JADE2: variants seen among roughly 807,000 people sequenced by gnomAD.
The protein encoded by JADE2 is E3 ubiquitin-protein ligase Jade-2.
A neutral mutation model predicts 85.7 loss-of-function variants in JADE2; 13 were observed. The ratio of observed to expected loss-of-function variants is 0.15; its 90% CI spans 0.10 to 0.24. The LOEUF (loss-of-function observed/expected upper bound fraction) is 0.24, where lower values mean the gene tolerates loss of function less well. Ranked by LOEUF, JADE2 falls within the 10% of genes least tolerant of loss-of-function variation. The probability of loss-of-function intolerance (pLI) is 1.00; values close to 1 mark genes in which losing one functional copy is unlikely to be tolerated. For synonymous variants in JADE2, 440 were observed against 456.1 expected (o/e 0.96, Z 0.45); for missense variants, 846 against 1,115.9 (o/e 0.76, Z 3.45).
intron 10 of JADE2, 81 bp downstream of exon 10, chr5:134,573,843 G>C: frequency 1.1e-6 from 1 of 897,032 alleles, no homozygotes; most frequent in Non-Finnish European, 1.9e-6. Flanking sequence ...GTGTGTCTTT[G>C]GATCCTGGTG....
intron 1 of JADE2, among the ~76,000 whole-genome samples, chr5:134,535,561 A>T (rs1761532355): frequency 6.6e-6 from 1 of 152,040 alleles, no homozygotes; most frequent in African/African-American, 2.4e-5. Context: ...GTCACTATTC[A>T]GTTTGGGCTT....
rs1764588402 is a variant in JADE2, at chr5:134,579,329, C to T, written c.*12C>T. The stretch of plus-strand genomic sequence containing the variant: ...TACTGGCCTCCTAACTCACCCCCTT[C>T]CCTGTCCCAGGCCCTGCCCTGGTCC... On this transcript the variant is annotated 3_prime_UTR_variant, in exon 12 of 12. Coordinates refer to ENST00000681547, the MANE Select transcript of JADE2 (RefSeq NM_001388185.1). The surrounding 1 kb of genome is among the most constrained non-coding windows in gnomAD (Gnocchi z 4.6). 1.9e-6 allele frequency: 3 copies of T among 1,561,598 alleles called. No homozygotes were observed. Among genetic ancestry groups the T allele is most frequent in the Non-Finnish European group, 2.6e-6 (3 of 1,154,414 alleles).
intron 9 of JADE2, among the ~76,000 whole-genome samples, chr5:134,570,105 A>C (rs329318): frequency 0.73 from 111,663 of 152,130 alleles, 41,668 homozygotes; most frequent in African/African-American, 0.83. Context: ...TGAGGCCAGA[A>C]CCCTGGCAGA....
Position 134,579,350 on chromosome 5 carries a change from G to A in JADE2, c.*33G>A. ...CCTTCCCTGTCCCAGGCCCTGCCCTGGTCCCCCCACAAGGCCTCAGCCCAG... is the reference window on the plus strand; with the variant it reads ...CCTTCCCTGTCCCAGGCCCTGCCCTAGTCCCCCCACAAGGCCTCAGCCCAG... On this transcript the variant is annotated 3_prime_UTR_variant, in exon 12 of 12. Transcript: ENST00000681547. The surrounding 1 kb of genome is among the most constrained non-coding windows in gnomAD (Gnocchi z 4.6). The A allele has an allele frequency of 6.7e-7, 1 of 1,499,082 alleles. No homozygotes were observed. The highest frequency in any genetic ancestry group is 8.9e-7 in the Non-Finnish European group (1 of 1,117,476). 92.9% of individuals were successfully genotyped at this position (1,499,082 alleles called of 1,614,324 possible). A position where few individuals can be genotyped will look rare whatever the true frequency, so the allele number is the denominator to read the frequency against.
chr5:134,526,542 C>A (rs964645419), intron 1 of JADE2: 1 of 985,352 alleles, frequency 1.0e-6, no homozygotes, highest in Non-Finnish European at 1.2e-6. Flanking sequence ...GGCGCCGAAC[C>A]GGGCTGAGCC....
intron 7 of JADE2, among the ~76,000 whole-genome samples, chr5:134,563,820 C>T (rs1763475442): frequency 6.6e-6 from 1 of 152,212 alleles, no homozygotes; most frequent in Non-Finnish European, 1.5e-5. Flanking sequence ...ATCATGAAGA[C>T]CCTTTGGCTC....
chr5:134,569,540 C>T (rs1763864581), intron 9 of JADE2, among the ~76,000 whole-genome samples: 1 of 152,234 alleles, frequency 6.6e-6, no homozygotes, highest in African/African-American at 2.4e-5. Context: ...CCGACAAGTG[C>T]CGGCTGGTGT....
chr5:134,570,082 C>T (rs1763897634), intron 9 of JADE2, among the ~76,000 whole-genome samples: 1 of 152,200 alleles, frequency 6.6e-6, no homozygotes, highest in Non-Finnish European at 1.5e-5. Flanking sequence ...ATGCCCCAGC[C>T]CTTGTCCCTC....
rs137957798 is a variant in JADE2 at position 134,566,254 on chromosome 5, C to T, written c.1108C>T (p.Arg370Cys). The T allele has an allele frequency of 4.9e-4, 794 of 1,614,142 alleles. 1 individual carries two copies. Among genetic ancestry groups the T allele is most frequent in the Middle Eastern group, 1.3e-3 (8 of 6,062 alleles). Residue 370 changes from arginine to cysteine, a missense_variant, in exon 9 of 12, where the codon CGT (arginine) becomes TGT (cysteine). Physicochemically the swap from Arg to Cys is radical, Grantham distance 180. Transcript: ENST00000681547. This position sits in a 1 kb window ranked among gnomAD's most constrained non-coding sequence, Gnocchi z 6.7. ...CCAGGAGCACAGTGACGGGGGCCCA[C>T]GTAATGAGCCCACATCTGAGCCCAC... ...FCQEHSDGGP[R>C]NEPTSEPTEP...
intron 2 of JADE2, chr5:134,536,643 T>C (rs554314735): frequency 1.4e-4 from 22 of 152,322 alleles, no homozygotes; most frequent in Non-Finnish European, 3.1e-4. Flanking sequence ...TCTTCTCGGG[T>C]GCCCAGAAAG....
chr5:134,571,588 G>A (rs961574303), intron 9 of JADE2, among the ~76,000 whole-genome samples: 4 of 152,142 alleles, frequency 2.6e-5, no homozygotes, highest in Admixed American at 1.3e-4. Context: ...TCCCAGCTAC[G>A]TGGGAGGCTG....
Position 134,579,379 on chromosome 5 carries a change from C to T in JADE2, c.*62C>T. On this transcript the variant is annotated 3_prime_UTR_variant, in exon 12 of 12. Coordinates refer to ENST00000681547, the MANE Select transcript of JADE2 (RefSeq NM_001388185.1). The surrounding 1 kb of genome is among the most constrained non-coding windows in gnomAD (Gnocchi z 4.6). ...CCCCCACAAGGCCTCAGCCCAGTCA[C>T]AACTGCCATTTCCAGTCTCTGCTGA... 9.1e-6 allele frequency: 12 copies of T among 1,315,916 alleles called. No individual in the cohort carries two copies. Among genetic ancestry groups the T allele is most frequent in the Non-Finnish European group, 1.2e-5 (12 of 974,084 alleles). 81.5% of individuals were successfully genotyped at this position (1,315,916 alleles called of 1,614,324 possible).
At chr5:134,534,787 C>T (rs1282161695) in intron 1 of JADE2, among the ~76,000 whole-genome samples, 1 of 152,142 alleles carries the variant, frequency 6.6e-6, no homozygotes, top group African/African-American at 2.4e-5. Context: ...ACCCTGAGCC[C>T]CCAATGTGTT....
intron 3 of JADE2, 134 bp downstream of exon 3, chr5:134,538,217 G>T: frequency 1.5e-6 from 1 of 652,182 alleles, no homozygotes; most frequent in Non-Finnish European, 2.7e-6. Flanking sequence ...TGGAATGAAG[G>T]GGAGTAGGGG....
chr5:134,526,188 G>A (rs1760801480), intron 1 of JADE2, 177 bp downstream of exon 1: 2 of 985,572 alleles, frequency 2.0e-6, no homozygotes, highest in Non-Finnish European at 2.4e-6. Flanking sequence ...GGGATGCACA[G>A]CACAGGGGAG....
At position 134,578,846 on chromosome 5, in the gene JADE2, C is replaced by G. The variant is rs1184009267; in HGVS notation, c.2034C>G (p.Gly678=). Reference sequence around the variant, plus strand: ...AGAAGACCTGGGGCCAGGATGCAGGCAGTGGCAAGGGGGGTCAAGGGCCAC... The same window carrying G: ...AGAAGACCTGGGGCCAGGATGCAGGGAGTGGCAAGGGGGGTCAAGGGCCAC... The part of the protein sequence containing the change: ...APKKTWGQDA[G]SGKGGQGPPT... Residue 678 remains glycine, a synonymous_variant, in exon 12 of 12, where the codon GGC becomes GGG. Coordinates refer to ENST00000681547, the MANE Select transcript of JADE2 (RefSeq NM_001388185.1). The surrounding 1 kb of genome is among the most constrained non-coding windows in gnomAD (Gnocchi z 4.4). 3.1e-6 allele frequency: 5 copies of G among 1,613,630 alleles called. No individual in the cohort carries two copies. The African/African-American group carries it at 6.7e-5, about 22-fold the overall frequency.
chr5:134,564,209 A>G (rs1221159060), intron 7 of JADE2: 1 of 289,858 alleles, frequency 3.4e-6, no homozygotes. Flanking sequence ...CACACAGTCA[A>G]CTACACACAC....
At position 134,566,051 on chromosome 5, in the gene JADE2, C is replaced by T; in HGVS notation, c.970-65C>T. 1 of 1,382,320 alleles carries T rather than the reference C, an allele frequency of 7.2e-7. No homozygotes were observed. Among genetic ancestry groups the T allele is most frequent in the Non-Finnish European group, 1.0e-6 (1 of 989,690 alleles). 85.6% of individuals were successfully genotyped at this position (1,382,320 alleles called of 1,614,324 possible). A position where few individuals can be genotyped will look rare whatever the true frequency, so the allele number is the denominator to read the frequency against. ...TCTCAGTAGAGCCCTGGGGGAAGCC[C>T]CTCTGTCTTCTCCCCTCCCACCAGG... On this transcript the variant is annotated intron_variant, in intron 8 of 11. Transcript: ENST00000681547. This position sits in a 1 kb window ranked among gnomAD's most constrained non-coding sequence, Gnocchi z 6.7.
At chr5:134,571,684 G>C (rs190159378) in intron 9 of JADE2, among the ~76,000 whole-genome samples, 1 of 152,202 alleles carries the variant, frequency 6.6e-6, no homozygotes, top group South Asian at 2.1e-4. Context: ...GCGACAGACC[G>C]AGACCCCGTC....
Sources: allele counts gnomAD v4.1 joint callset (sites outside exome capture counted in the v4.1 genomes callset), GRCh38; gene constraint gnomAD v4.1.1; non-coding constraint Gnocchi (gnomAD v3.1); transcripts MANE v1.5; gene names NCBI Gene and HGNC (gene_info 2026-07-23, HGNC 2026-07-21).